Variants in BMPER observed in about 807,000 individuals in gnomAD.
BMPER encodes the protein BMP-binding endothelial regulator protein.
Under a neutral mutation model 87.3 loss-of-function variants are expected in BMPER, and 45 were observed. The ratio of observed to expected loss-of-function variants is 0.52; its 90% CI spans 0.41 to 0.66. The LOEUF is 0.66. BMPER is among the 30% of genes least tolerant of loss of function. The pLI is 0.00. For missense variants in BMPER, 784 were observed against 867.5 expected (o/e 0.90, Z 1.21); for synonymous variants, 326 against 316.2 (o/e 1.03, Z -0.33).
intron 11 of BMPER, among the ~76,000 whole-genome samples, chr7:34,074,140 T>TTAATTA (rs1245207252): frequency 6.6e-6 from 1 of 152,274 alleles, no homozygotes; most frequent in African/African-American, 2.4e-5. Context: ...TTTAACAATG[T>TTAATTA]ACCTACACAA....
At chr7:34,006,954 A>G (rs1487176828) in intron 6 of BMPER, among the ~76,000 whole-genome samples, 1 of 152,076 alleles carries the variant, frequency 6.6e-6, no homozygotes, top group Non-Finnish European at 1.5e-5. Flanking sequence ...CACCTATTTC[A>G]AAGTGGATCA....
intron 10 of BMPER, 103 bp from the exon 11 acceptor site, chr7:34,061,899 T>C: frequency 1.0e-6 from 1 of 960,466 alleles, no homozygotes; most frequent in Non-Finnish European, 1.6e-6. Flanking sequence ...CTGATTTCAT[T>C]GGTTTATCTT....
At chr7:33,966,616 A>C in intron 4 of BMPER, 55 bp downstream of exon 4, 1 of 1,535,340 alleles carries the variant, frequency 6.5e-7, no homozygotes, top group Non-Finnish European at 9.0e-7. Flanking sequence ...AGTCCTCTTT[A>C]GTCACCCCTT....
At chr7:34,019,863 G>A (rs1400144396) in intron 6 of BMPER, among the ~76,000 whole-genome samples, 1 of 151,928 alleles carries the variant, frequency 6.6e-6, no homozygotes, top group African/African-American at 2.4e-5. Flanking sequence ...CCAGAGGCCA[G>A]GAGAATGTGT....
intron 13 of BMPER, among the ~76,000 whole-genome samples, chr7:34,103,063 A>G (rs1024165918): frequency 1.3e-5 from 2 of 152,190 alleles, no homozygotes; most frequent in Non-Finnish European, 2.9e-5. Flanking sequence ...GGGCCACTGT[A>G]TCTGGCACTG....
At chr7:34,004,161 T>C (rs1431847274) in intron 6 of BMPER, among the ~76,000 whole-genome samples, 2 of 152,150 alleles carry the variant, frequency 1.3e-5, no homozygotes, top group South Asian at 2.1e-4. Flanking sequence ...TTCTTTCTTC[T>C]GCCAGTTCGA....
At chr7:34,095,913 C>T (rs1017364633) in intron 13 of BMPER, among the ~76,000 whole-genome samples, 14 of 151,636 alleles carry the variant, frequency 9.2e-5, no homozygotes, top group South Asian at 4.2e-4. Flanking sequence ...AAGGATCTAA[C>T]GCTTCTGAAT....
chr7:33,963,081 A>G (rs1459588313), intron 3 of BMPER, among the ~76,000 whole-genome samples: 1 of 152,220 alleles, frequency 6.6e-6, no homozygotes, highest in East Asian at 1.9e-4. Context: ...TGTTAGTTTC[A>G]TATCTAATTT....
chr7:34,019,951 T>G (rs1457246428), intron 6 of BMPER, among the ~76,000 whole-genome samples: 4 of 117,804 alleles, frequency 3.4e-5, no homozygotes, highest in East Asian at 3.0e-4. Flanking sequence ...TTTAGAAGGT[T>G]TTTTTTTTTT....
chr7:33,966,860 C>A (rs1785419194), intron 4 of BMPER, among the ~76,000 whole-genome samples: 1 of 152,192 alleles, frequency 6.6e-6, no homozygotes, highest in Non-Finnish European at 1.5e-5. Flanking sequence ...TCATGTCTTC[C>A]TGTGAAGTCA....
At chr7:34,009,556 TATA>T (rs1348389569) in intron 6 of BMPER, among the ~76,000 whole-genome samples, 1 of 151,874 alleles carries the variant, frequency 6.6e-6, no homozygotes. Flanking sequence ...TTACTACACA[TATA>T]ATAAAAACTA....
chr7:34,047,844 T>TTCCTTCCTCCCTTCCTTC (rs1489390220), intron 7 of BMPER, among the ~76,000 whole-genome samples: 2 of 135,654 alleles, frequency 1.5e-5, no homozygotes, highest in Non-Finnish European at 3.2e-5. Flanking sequence ...GCTTTCTTTC[T>TTCCTTCCTCCCTTCCTTC]CTTTCTATCA....
chr7:34,051,829 C>A (rs758912948), intron 7 of BMPER, 32 bp from the exon 8 acceptor site: 3 of 1,551,114 alleles, frequency 1.9e-6, no homozygotes, highest in Middle Eastern at 1.7e-4. Context: ...CCGATTCTGT[C>A]TTACTTACAC....
intron 14 of BMPER, among the ~76,000 whole-genome samples, chr7:34,144,545 T>G (rs1030549684): frequency 6.6e-6 from 1 of 151,466 alleles, no homozygotes. Flanking sequence ...GTGGCTTGAA[T>G]TAAGATGGTG....
intron 3 of BMPER, among the ~76,000 whole-genome samples, chr7:33,965,459 T>C (rs1223629251): frequency 6.6e-6 from 1 of 152,172 alleles, no homozygotes. Flanking sequence ...TCTTCTGTCT[T>C]GGACAAGAAA....
intron 8 of BMPER, among the ~76,000 whole-genome samples, chr7:34,054,545 A>G (rs1034590763): frequency 1.3e-5 from 2 of 152,204 alleles, no homozygotes; most frequent in Non-Finnish European, 2.9e-5. Flanking sequence ...TTTAACTTAC[A>G]GATGATACAA....
intron 3 of BMPER, among the ~76,000 whole-genome samples, chr7:33,953,481 A>G (rs1316808955): frequency 6.6e-6 from 1 of 152,156 alleles, no homozygotes; most frequent in Non-Finnish European, 1.5e-5. Context: ...TGTATCATGC[A>G]GGGGCTGGAC....
intron 6 of BMPER, among the ~76,000 whole-genome samples, chr7:34,037,845 G>A (rs1585763364): frequency 6.6e-6 from 1 of 152,160 alleles, no homozygotes; most frequent in African/African-American, 2.4e-5. Context: ...GCAGGAAGAA[G>A]AAAAAATAAG....
chr7:33,978,919 G>T (rs140776873), intron 6 of BMPER, among the ~76,000 whole-genome samples: 3,290 of 152,186 alleles, frequency 0.022, 115 homozygotes, highest in Admixed American at 0.09. Flanking sequence ...GGTTGTACGA[G>T]TACTAAAAAG....
Sources: allele counts gnomAD v4.1 joint callset (sites outside exome capture counted in the v4.1 genomes callset), GRCh38; gene constraint gnomAD v4.1.1; transcripts MANE v1.5; gene names NCBI Gene and HGNC (gene_info 2026-07-23, HGNC 2026-07-21).